TAMM41: variants seen among roughly 807,000 people sequenced by gnomAD.
The protein encoded by TAMM41 is TAM41 mitochondrial translocator assembly and maintenance homolog.
Under a neutral mutation model 44.1 loss-of-function variants are expected in TAMM41, and 36 were observed. The observed-to-expected ratio is 0.82, with a 90% CI of 0.63 to 1.08. TAMM41 has a LOEUF of 1.08. Among genes scored for constraint, TAMM41 ranks in the 50% least tolerant of loss-of-function variants. TAMM41 has a pLI of 0.00. For synonymous variants in TAMM41, 164 were observed against 153.1 expected (o/e 1.07, Z -0.53); for missense variants, 417 against 404.3 (o/e 1.03, Z -0.27).
chr3:11,753,853 C>T, the TAMM41 span, among the ~76,000 whole-genome samples: 1 of 151,942 alleles, frequency 6.6e-6, no homozygotes. Context: ...GTATGTCTGA[C>T]GTGAAGAAGG....
intron 4 of TAMM41, among the ~76,000 whole-genome samples, chr3:11,821,126 T>A (rs577684973): frequency 6.6e-6 from 1 of 152,214 alleles, no homozygotes; most frequent in Non-Finnish European, 1.5e-5. Context: ...CCCCAAACTT[T>A]CTGGCACCAG....
the TAMM41 span, among the ~76,000 whole-genome samples, chr3:11,775,424 AG>A: frequency 1.3e-5 from 2 of 152,212 alleles, no homozygotes; most frequent in Non-Finnish European, 2.9e-5. Flanking sequence ...CTTTCAGGAC[AG>A]TGTTACAATT....
chr3:11,832,482 C>T (rs1158790027), intron 3 of TAMM41, among the ~76,000 whole-genome samples: 2 of 152,088 alleles, frequency 1.3e-5, no homozygotes, highest in African/African-American at 2.4e-5. Flanking sequence ...ATATCAGAGA[C>T]GTGAATTCTG....
chr3:11,746,801 A>T, the TAMM41 span, among the ~76,000 whole-genome samples: 1 of 134,774 alleles, frequency 7.4e-6, no homozygotes, highest in Non-Finnish European at 1.5e-5. Context: ...TGCCCAGCTA[A>T]TTTTTTGTAT....
At chr3:11,759,573 A>ATG in the TAMM41 span, among the ~76,000 whole-genome samples, 1 of 65,354 alleles carries the variant, frequency 1.5e-5, no homozygotes, top group Non-Finnish European at 3.3e-5. Flanking sequence ...ATGCATACGG[A>ATG]AAGCAATTGC....
chr3:11,830,294 C>T (rs910983935), intron 3 of TAMM41, among the ~76,000 whole-genome samples: 9 of 152,088 alleles, frequency 5.9e-5, no homozygotes, highest in African/African-American at 1.4e-4. Context: ...TGCTCTATTT[C>T]GCACTTTCTA....
At chr3:11,765,935 C>T in the TAMM41 span, among the ~76,000 whole-genome samples, 1 of 152,202 alleles carries the variant, frequency 6.6e-6, no homozygotes, top group African/African-American at 2.4e-5. Context: ...CCCCTGGCCT[C>T]ATGTGATCCA....
At chr3:11,754,949 C>T in the TAMM41 span, among the ~76,000 whole-genome samples, 2 of 152,032 alleles carry the variant, frequency 1.3e-5, no homozygotes, top group African/African-American at 2.4e-5. Context: ...ATCCACCTGC[C>T]TCGGCCTCCC....
chr3:11,767,288 C>T, the TAMM41 span, among the ~76,000 whole-genome samples: 3 of 151,970 alleles, frequency 2.0e-5, no homozygotes, highest in African/African-American at 7.2e-5. Context: ...AGGCTGGTCT[C>T]GAACTCCTGA....
chr3:11,838,269 CG>C (rs1277649119), intron 3 of TAMM41, among the ~76,000 whole-genome samples: 2 of 152,162 alleles, frequency 1.3e-5, no homozygotes, highest in Non-Finnish European at 2.9e-5. Flanking sequence ...GGCTGGGGTG[CG>C]GTGGTGTGAT....
rs533139734 is a variant in TAMM41 at position 11,846,690 on chromosome 3, G to A, written c.-54C>T. On this transcript the variant is annotated 5_prime_UTR_variant, in exon 1 of 8. Transcript: ENST00000455809. ...CGCAGCAGGGCGAGGACAACCGGGC[G>A]GGGAACAGACACCGGGTAGGCGGTT... The A allele has an allele frequency of 3.7e-6, 6 of 1,611,570 alleles. No homozygotes were observed. The highest frequency in any genetic ancestry group is 1.7e-5 in the Admixed American group (1 of 59,962).
chr3:11,795,040 G>A (rs115677896), intron 7 of TAMM41, among the ~76,000 whole-genome samples: 331 of 152,232 alleles, frequency 2.2e-3, no homozygotes, highest in African/African-American at 7.7e-3. Flanking sequence ...ACCAACAAAT[G>A]GAAGAAATGC....
intron 3 of TAMM41, among the ~76,000 whole-genome samples, chr3:11,838,566 T>C (rs1300654520): frequency 1.3e-5 from 2 of 152,148 alleles, no homozygotes; most frequent in Non-Finnish European, 2.9e-5. Context: ...AGGACACAAC[T>C]GAGGAACCGC....
At chr3:11,783,061 G>A in the TAMM41 span, among the ~76,000 whole-genome samples, 4 of 152,194 alleles carry the variant, frequency 2.6e-5, no homozygotes, top group Non-Finnish European at 5.9e-5. Flanking sequence ...AACCCCGAGG[G>A]TGCTGGACAA....
chr3:11,737,293 T>C, the TAMM41 span, among the ~76,000 whole-genome samples: 14 of 45,406 alleles, frequency 3.1e-4, no homozygotes, highest in African/African-American at 1.7e-3. Flanking sequence ...ACATTATTAT[T>C]ATTATTATTA....
Position 11,814,417 on chromosome 3 carries a change from T to C in TAMM41, c.708+2775A>G, listed in dbSNP as rs575912981. ...TAGGAAGCTATAAGAAAGAACATTT[T>C]GGGAAAATTAAAAATTTAGTAGAAG... On this transcript the variant is annotated intron_variant, in intron 5 of 7. Coordinates refer to ENST00000455809, the MANE Select transcript of TAMM41 (RefSeq NM_001284401.2). Among the ~76,000 whole-genome samples the C allele has an allele frequency of 5.4e-4, 82 of 151,978 alleles. 1 individual carries two copies. Among genetic ancestry groups the C allele is most frequent in the African/African-American group, 1.6e-3 (66 of 41,468 alleles).
At chr3:11,738,702 G>A in the TAMM41 span, among the ~76,000 whole-genome samples, 5 of 152,158 alleles carry the variant, frequency 3.3e-5, no homozygotes, top group African/African-American at 1.2e-4. Context: ...TCCCCTACTT[G>A]ACAACTTCTG....
chr3:11,736,625 C>G, the TAMM41 span, among the ~76,000 whole-genome samples: 1 of 152,134 alleles, frequency 6.6e-6, no homozygotes, highest in African/African-American at 2.4e-5. Flanking sequence ...TTGATCACAG[C>G]GGGGCCTCAG....
At chr3:11,803,616 A>G (rs759985773) in intron 7 of TAMM41, among the ~76,000 whole-genome samples, 1 of 152,172 alleles carries the variant, frequency 6.6e-6, no homozygotes, top group Non-Finnish European at 1.5e-5. Flanking sequence ...AACAAAAAAA[A>G]CCACTCGTAT....
Sources: gnomAD v4.1 joint callset for allele counts (sites outside exome capture counted in the v4.1 genomes callset) on GRCh38, gnomAD v4.1.1 for gene constraint, MANE v1.5 for transcripts, NCBI Gene and HGNC (gene_info 2026-07-23, HGNC 2026-07-21) for gene names.